The following ST7L variants were observed in gnomAD, a reference collection of about 807,000 sequenced individuals.
ST7L encodes the protein suppressor of tumorigenicity 7 protein-like.
ST7L carries 57 observed loss-of-function variants against 72.5 expected under a neutral mutation model. The ratio of observed to expected loss-of-function variants is 0.79; its 90% CI spans 0.64 to 0.98. The LOEUF is 0.98. ST7L is among the 50% of genes least tolerant of loss of function. The pLI is 0.00. For missense variants in ST7L, 576 were observed against 672.2 expected (o/e 0.86, Z 1.58); for synonymous variants, 221 against 240.9 (o/e 0.92, Z 0.77).
intron 3 of ST7L, among the ~76,000 whole-genome samples, chr1:112,610,234 C>T (rs1668867172): frequency 6.6e-6 from 1 of 152,082 alleles, no homozygotes; most frequent in Non-Finnish European, 1.5e-5. Flanking sequence ...TTCCTTCCTA[C>T]TGATTGGAAT....
chr1:112,618,212 G>C, intron 1 of ST7L: 2 of 1,149,690 alleles, frequency 1.7e-6, no homozygotes, highest in Non-Finnish European at 2.2e-6. Context: ...GAATAGTACA[G>C]TATATGAGAA....
In ST7L at chr1:112,526,472, G is replaced by A. The variant is rs188174989; in HGVS notation, c.1630-361C>T. 27 of 170,222 alleles carry A rather than the reference G, an allele frequency of 1.6e-4. No homozygotes were observed. In the South Asian group the frequency reaches 2.8e-3, roughly 18 times the overall value. The allele number at this position is 170,222 out of a possible 1,614,324, so 10.5% of individuals were successfully genotyped here. A position where few individuals can be genotyped will look rare whatever the true frequency, so the allele number is the denominator to read the frequency against. ...TATGTATCAGAGGCCGGGTGCAGTG[G>A]CTCATGCCTGTAATCCCAGCACTTT... On this transcript the variant is annotated intron_variant, in intron 14 of 14. Coordinates refer to ENST00000358039, the MANE Select transcript of ST7L (RefSeq NM_017744.5).
intron 6 of ST7L, among the ~76,000 whole-genome samples, chr1:112,586,524 TAAA>T (rs1014275291): frequency 2.0e-5 from 3 of 152,128 alleles, no homozygotes; most frequent in African/African-American, 7.2e-5. Context: ...ATAACCATAA[TAAA>T]AACAGTTTTT....
intron 13 of ST7L, among the ~76,000 whole-genome samples, chr1:112,544,946 C>T (rs1271577724): frequency 6.6e-6 from 1 of 152,168 alleles, no homozygotes; most frequent in African/African-American, 2.4e-5. Context: ...AATTTCATCA[C>T]TGGCTTGTAG....
chr1:112,609,096 G>C (rs559374800), intron 3 of ST7L, among the ~76,000 whole-genome samples: 9 of 152,274 alleles, frequency 5.9e-5, no homozygotes, highest in Non-Finnish European at 1.3e-4. Context: ...GGAGACTGAG[G>C]TGGGAGGATC....
At chr1:112,604,866 ACC>A (rs1156277953) in intron 3 of ST7L, among the ~76,000 whole-genome samples, 3 of 149,566 alleles carry the variant, frequency 2.0e-5, no homozygotes. Flanking sequence ...CGGGTGGATC[ACC>A]TGAGGTCAGG....
chr1:112,565,114 G>C (rs1014629782), intron 11 of ST7L, among the ~76,000 whole-genome samples: 2 of 150,578 alleles, frequency 1.3e-5, no homozygotes, highest in Non-Finnish European at 3.0e-5. Flanking sequence ...GCGCGATCTC[G>C]GCTCACTGCA....
At chr1:112,559,212 C>T (rs977174404) in intron 11 of ST7L, among the ~76,000 whole-genome samples, 9 of 152,234 alleles carry the variant, frequency 5.9e-5, no homozygotes, top group Middle Eastern at 3.4e-3. Flanking sequence ...GCTTATATTA[C>T]AAAAAATATC....
At chr1:112,539,830 A>G (rs375467881) in intron 14 of ST7L, 2 of 985,424 alleles carry the variant, frequency 2.0e-6, no homozygotes, top group East Asian at 1.1e-4. Context: ...ATGTACATGT[A>G]AAGGCCACAG....
At chr1:112,520,207 A>C (rs1652792245), downstream of ST7L, 1 of 1,414,996 alleles carries the variant, frequency 7.1e-7, no homozygotes, top group African/African-American at 1.4e-5. Flanking sequence ...CTTCCTTCTG[A>C]GAATGTGGTT....
intron 13 of ST7L, among the ~76,000 whole-genome samples, chr1:112,548,664 T>C (rs552437038): frequency 5.6e-4 from 85 of 152,332 alleles, no homozygotes; most frequent in Non-Finnish European, 9.6e-4. Context: ...CACAGGTTTA[T>C]ATCACATAAG....
At chr1:112,605,364 G>GAGT (rs1668066108) in intron 3 of ST7L, among the ~76,000 whole-genome samples, 1 of 151,946 alleles carries the variant, frequency 6.6e-6, no homozygotes, top group Non-Finnish European at 1.5e-5. Context: ...CTGCACTCCA[G>GAGT]CCTGGGCGAC....
chr1:112,617,911 T>TA, intron 1 of ST7L: 1 of 1,042,736 alleles, frequency 9.6e-7, no homozygotes, highest in Non-Finnish European at 1.3e-6. Flanking sequence ...GATGCCAAAT[T>TA]AGCTCTTCAG....
At position 112,573,910 on chromosome 1, in the gene ST7L, G is replaced by GTTT. The variant is rs920123003; in HGVS notation, c.1245+3073_1245+3075dup. On this transcript the variant is annotated intron_variant, in intron 11 of 14. Coordinates refer to ENST00000358039, the MANE Select transcript of ST7L (RefSeq NM_017744.5). ...CCCTGTCTTCGTTTTTTCTTTTCCT[G>GTTT]TTTTTTTTTTTTTTTTTTTTTTGAG... Among the ~76,000 whole-genome samples the GTTT allele has an allele frequency of 3.0e-3, 271 of 91,850 alleles. 5 individuals are homozygous for GTTT. Among genetic ancestry groups the GTTT allele is most frequent in the African/African-American group, 8.8e-3 (200 of 22,818 alleles). 60.3% of individuals were successfully genotyped at this position (91,850 alleles called of 152,430 possible).
chr1:112,573,849 A>G (rs186277694), intron 11 of ST7L, among the ~76,000 whole-genome samples: 5,048 of 148,090 alleles, frequency 0.034, 306 homozygotes, highest in African/African-American at 0.12. Context: ...GGCCAAGATC[A>G]CACCACTGCA....
At chr1:112,588,882 C>T (rs946494415) in intron 6 of ST7L, among the ~76,000 whole-genome samples, 4 of 152,090 alleles carry the variant, frequency 2.6e-5, no homozygotes, top group African/African-American at 7.2e-5. Flanking sequence ...CATTGATATG[C>T]GTGATAGCAT....
chr1:112,543,305 C>T (rs764095493), intron 13 of ST7L, among the ~76,000 whole-genome samples: 7 of 152,030 alleles, frequency 4.6e-5, no homozygotes, highest in Admixed American at 6.5e-5. Context: ...ATCCCAGCAC[C>T]TTGGGAGGCT....
At chr1:112,560,093 T>TA (rs1318290974) in intron 11 of ST7L, among the ~76,000 whole-genome samples, 1 of 152,144 alleles carries the variant, frequency 6.6e-6, no homozygotes, top group Non-Finnish European at 1.5e-5. Context: ...AATTTGACTT[T>TA]AAAACAAAGC....
At chr1:112,618,308 G>A in intron 1 of ST7L, 1 of 1,017,856 alleles carries the variant, frequency 9.8e-7, no homozygotes, top group Non-Finnish European at 1.2e-6. Context: ...GAAAGAACTA[G>A]CAAACCCACT....
Sources: gnomAD v4.1 joint callset for allele counts (sites outside exome capture counted in the v4.1 genomes callset) on GRCh38, gnomAD v4.1.1 for gene constraint, MANE v1.5 for transcripts, NCBI Gene and HGNC (gene_info 2026-07-23, HGNC 2026-07-21) for gene names.